The following PPARGC1A variants were observed in gnomAD, a reference collection of about 807,000 sequenced individuals.
PPARGC1A encodes the protein peroxisome proliferator-activated receptor gamma coactivator 1-alpha.
A neutral mutation model predicts 88.7 loss-of-function variants in PPARGC1A; 25 were observed. The observed-to-expected ratio is 0.28, with a 90% CI of 0.21 to 0.39. PPARGC1A has a LOEUF of 0.39. Ranked by LOEUF, PPARGC1A falls within the 10% of genes least tolerant of loss-of-function variation. The pLI is 1.00. For synonymous variants in PPARGC1A, 363 were observed against 355.6 expected, an observed-to-expected ratio of 1.02 and a Z score of -0.24; for missense variants, 880 against 968.7, an observed-to-expected ratio of 0.91 and a Z score of 1.22.
In PPARGC1A at chr4:23,829,562, T is replaced by G. The variant is rs1337076335; in HGVS notation, c.453A>C (p.Pro151=). ...PSLLKKLLLA[P]ANTQLSYNEC... is the part of the protein sequence containing the mutation. The stretch of plus-strand genomic sequence containing the variant: ...CATTATAACTTAGCTGAGTGTTGGC[T>G]GGTGCCAGTAAGAGCTTCTTAAGCT... Residue 151 remains proline, a synonymous_variant, in exon 4 of 13, where the codon CCA becomes CCC. Coordinates refer to ENST00000264867, the MANE Select transcript of PPARGC1A (RefSeq NM_013261.5). The G allele has an allele frequency of 1.2e-6, 2 of 1,612,698 alleles. No individual in the cohort carries two copies. The highest frequency in any genetic ancestry group is 1.7e-6 in the Non-Finnish European group (2 of 1,179,082).
the PPARGC1A span, among the ~76,000 whole-genome samples, chr4:23,999,045 A>C: frequency 6.6e-6 from 1 of 152,204 alleles, no homozygotes. Flanking sequence ...ATAACAAGGA[A>C]CTCTGGAGAT....
chr4:24,137,999 C>A, the PPARGC1A span, among the ~76,000 whole-genome samples: 1 of 152,110 alleles, frequency 6.6e-6, no homozygotes, highest in Non-Finnish European at 1.5e-5. Context: ...GATTGTCATG[C>A]GAGCCCCTGA....
intron 2 of PPARGC1A, among the ~76,000 whole-genome samples, chr4:23,838,973 C>T (rs1182556271): frequency 6.6e-6 from 1 of 152,080 alleles, no homozygotes; most frequent in Non-Finnish European, 1.5e-5. Flanking sequence ...AAGCAACGAT[C>T]AAAAACCAGG....
Position 23,813,119 on chromosome 4 carries a change from G to A in PPARGC1A, c.1800C>T (p.Cys600=), listed in dbSNP as rs1171777129. Residue 600 remains cysteine (C), a synonymous_variant, in exon 9 of 13, where the codon TGC becomes TGT. Coordinates refer to ENST00000264867, the MANE Select transcript of PPARGC1A (RefSeq NM_013261.5). ...TGTAGTGGCTTGACTCATAGTAATA[G>A]CAGGATCTGCGCCAGAGGAGAAAAG... is the stretch of plus-strand genomic sequence containing the variant. The part of the protein sequence containing the change: ...SPGSRSSSRS[C]YYYESSHYRH... 1.9e-6 allele frequency: 3 copies of A among 1,613,948 alleles called. No individual in the cohort carries two copies. Among genetic ancestry groups the A allele is most frequent in the South Asian group, 2.2e-5 (2 of 91,080 alleles).
At chr4:24,425,851 C>G in the PPARGC1A span, among the ~76,000 whole-genome samples, 4 of 152,244 alleles carry the variant, frequency 2.6e-5, no homozygotes, top group African/African-American at 9.6e-5. Flanking sequence ...CCTTGTGTTA[C>G]TTTCTGAATA....
intron 2 of PPARGC1A, among the ~76,000 whole-genome samples, chr4:23,872,434 C>T (rs189159671): frequency 6.6e-6 from 1 of 152,052 alleles, no homozygotes; most frequent in South Asian, 2.1e-4. Flanking sequence ...GTCCCACTGC[C>T]CTGCATTTGT....
chr4:24,188,827 A>G, the PPARGC1A span, among the ~76,000 whole-genome samples: 9 of 152,244 alleles, frequency 5.9e-5, no homozygotes, highest in South Asian at 1.5e-3. Context: ...CAGGGTCTCA[A>G]AAATATATTT....
intron 2 of PPARGC1A, among the ~76,000 whole-genome samples, chr4:23,864,504 C>T (rs1486032675): frequency 6.6e-6 from 1 of 152,180 alleles, no homozygotes; most frequent in Non-Finnish European, 1.5e-5. Flanking sequence ...CCAGCCCTGG[C>T]AGGGGAGAGG....
At chr4:23,798,253 A>G (rs925179059) in intron 12 of PPARGC1A, among the ~76,000 whole-genome samples, 2 of 152,206 alleles carry the variant, frequency 1.3e-5, no homozygotes, top group Non-Finnish European at 2.9e-5. Flanking sequence ...GCATGAAAAT[A>G]GTAATAACTC....
At chr4:24,429,903 G>A in the PPARGC1A span, among the ~76,000 whole-genome samples, 61,066 of 151,770 alleles carry the variant, frequency 0.4, 12,689 homozygotes, top group African/African-American at 0.47. Flanking sequence ...CACCCACCTC[G>A]GCCTCCCAAA....
At chr4:24,234,683 G>A in the PPARGC1A span, among the ~76,000 whole-genome samples, 1 of 152,182 alleles carries the variant, frequency 6.6e-6, no homozygotes, top group African/African-American at 2.4e-5. Flanking sequence ...CTGTGGTTAT[G>A]TGCTAATTCA....
the PPARGC1A span, among the ~76,000 whole-genome samples, chr4:24,052,653 AAT>A: frequency 2.0e-5 from 3 of 150,832 alleles, no homozygotes; most frequent in African/African-American, 7.3e-5. Flanking sequence ...AAAAAAAAAA[AAT>A]ATTCCCTGGA....
chr4:24,045,655 T>C, the PPARGC1A span, among the ~76,000 whole-genome samples: 2 of 152,182 alleles, frequency 1.3e-5, no homozygotes, highest in Admixed American at 1.3e-4. Context: ...TCTCTCTTCT[T>C]ATACAGACAC....
At chr4:23,971,752 C>T in the PPARGC1A span, among the ~76,000 whole-genome samples, 1 of 152,150 alleles carries the variant, frequency 6.6e-6, no homozygotes, top group East Asian at 1.9e-4. Flanking sequence ...TTGGCAACAC[C>T]TTCATAGATA....
the PPARGC1A span, among the ~76,000 whole-genome samples, chr4:24,179,855 T>C: frequency 6.6e-6 from 1 of 152,200 alleles, no homozygotes; most frequent in Non-Finnish European, 1.5e-5. Flanking sequence ...TATTTTATAA[T>C]TAATAAATAG....
chr4:24,381,206 T>A, the PPARGC1A span, among the ~76,000 whole-genome samples: 1 of 152,156 alleles, frequency 6.6e-6, no homozygotes, highest in Admixed American at 6.5e-5. Context: ...TCAGGTAAGA[T>A]ACGGGCCAAA....
At chr4:24,389,757 A>T in the PPARGC1A span, among the ~76,000 whole-genome samples, 159 of 152,198 alleles carry the variant, frequency 1.0e-3, no homozygotes, top group African/African-American at 3.7e-3. Flanking sequence ...TTGTGCTACA[A>T]CTCTGTGAGA....
the PPARGC1A span, among the ~76,000 whole-genome samples, chr4:23,935,637 A>G: frequency 6.6e-6 from 1 of 152,196 alleles, no homozygotes; most frequent in Non-Finnish European, 1.5e-5. Context: ...ATTATTTACC[A>G]GTATCTTATT....
At chr4:23,845,146 G>T (rs150513945) in intron 2 of PPARGC1A, among the ~76,000 whole-genome samples, 6 of 152,008 alleles carry the variant, frequency 3.9e-5, no homozygotes, top group Non-Finnish European at 8.8e-5. Context: ...ACTTTAGCAC[G>T]GAGGCCTGCT....
Sources: allele counts gnomAD v4.1 joint callset (sites outside exome capture counted in the v4.1 genomes callset), GRCh38; gene constraint gnomAD v4.1.1; transcripts MANE v1.5; gene names NCBI Gene and HGNC (gene_info 2026-07-23, HGNC 2026-07-21).